SNX17: variants seen among roughly 807,000 people sequenced by gnomAD.
SNX17 encodes sorting nexin 17, also known as sorting nexin-17.
SNX17 carries 35 observed loss-of-function variants against 64.3 expected under a neutral mutation model. That is an observed-to-expected ratio of 0.54 (90% CI 0.42 to 0.72). The LOEUF (loss-of-function observed/expected upper bound fraction) is 0.72. SNX17 is among the 30% of genes least tolerant of loss of function. The pLI is 0.00. For missense variants in SNX17, 538 were observed against 610.0 expected, an observed-to-expected ratio of 0.88 and a Z score of 1.24; for synonymous variants, 259 against 230.2, an observed-to-expected ratio of 1.13 and a Z score of -1.13.
Position 27,375,423 on chromosome 2 carries a change from C to G in SNX17, c.775-83C>G. ...AAAGTGCTGGGATTATAGGCATGAGCCACCGCGCCCGACCGGGGTTGCTTT... is the reference window on the plus strand; with the variant it reads ...AAAGTGCTGGGATTATAGGCATGAGGCACCGCGCCCGACCGGGGTTGCTTT... On this transcript the variant is annotated intron_variant, in intron 9 of 14. Transcript: ENST00000233575. The surrounding 1 kb of genome is among the most constrained non-coding windows in gnomAD (Gnocchi z 4.1). 1.4e-6 allele frequency: 2 copies of G among 1,456,436 alleles called. No individual in the cohort carries two copies. The highest frequency in any genetic ancestry group is 1.9e-6 in the Non-Finnish European group (2 of 1,047,586). 90.2% of individuals were successfully genotyped at this position (1,456,436 alleles called of 1,614,324 possible).
In SNX17 at chr2:27,370,720, C is replaced by T. The variant is rs762210354; in HGVS notation, c.-24C>T. The T allele has an allele frequency of 2.0e-5, 31 of 1,542,116 alleles. No individual in the cohort carries two copies. The South Asian group carries it at 3.6e-4, about 18-fold the overall frequency. ...GCTGCGGCCCTCACAGTCCGGAGCC[C>T]GGCCGTGCCGTGCCGTAGGGAACAT... is the stretch of plus-strand genomic sequence containing the variant. On this transcript the variant is annotated 5_prime_UTR_variant, in exon 1 of 15. Transcript: ENST00000233575.
At chr2:27,371,445 T>G (rs1428936472) in intron 2 of SNX17, 102 bp downstream of exon 2, 1 of 1,473,554 alleles carries the variant, frequency 6.8e-7, no homozygotes, top group Non-Finnish European at 8.9e-7. Context: ...TAGGCTGTAG[T>G]TCCCCTTTAA....
Position 27,376,202 on chromosome 2 carries a change from C to T in SNX17, c.1182+19C>T. Reference sequence around the variant, plus strand: ...CAGGAAGGTAGGCAGCAAGTGTGGACTGAGCAGTGAGCAGGTGTGCTCCCC... The same window carrying T: ...CAGGAAGGTAGGCAGCAAGTGTGGATTGAGCAGTGAGCAGGTGTGCTCCCC... On this transcript the variant is annotated intron_variant, in intron 12 of 14. Transcript: ENST00000233575. 6.2e-7 allele frequency: 1 copy of T among 1,613,960 alleles called. No individual in the cohort carries two copies. Among genetic ancestry groups the T allele is most frequent in the South Asian group, 1.1e-5 (1 of 91,086 alleles).
chr2:27,377,228 A>T lies in SNX17; in HGVS notation c.*509A>T. 1.9e-6 allele frequency: 1 copy of T among 532,060 alleles called. No individual in the cohort carries two copies. Among genetic ancestry groups the T allele is most frequent in the East Asian group, 3.4e-5 (1 of 29,400 alleles). The allele number at this position is 532,060 out of a possible 1,614,324, so 33.0% of individuals were successfully genotyped here. A position where few individuals can be genotyped will look rare whatever the true frequency, so the allele number is the denominator to read the frequency against. ...GCCTGCCATTGCCAATTCAGCATAG[A>T]CATGGCTTTGTTAGTGTTTCCTTTA... On this transcript the variant is annotated 3_prime_UTR_variant, in exon 15 of 15. Coordinates refer to ENST00000233575, the MANE Select transcript of SNX17 (RefSeq NM_014748.4). This position sits in a 1 kb window ranked among gnomAD's most constrained non-coding sequence, Gnocchi z 4.4.
In SNX17 at chr2:27,375,397, TA is replaced by T; in HGVS notation, c.775-106del. The T allele has an allele frequency of 5.1e-6, 6 of 1,173,756 alleles. No individual in the cohort carries two copies. Among genetic ancestry groups the T allele is most frequent in the Non-Finnish European group, 7.4e-6 (6 of 808,562 alleles). 72.7% of individuals were successfully genotyped at this position (1,173,756 alleles called of 1,614,324 possible). Reference sequence around the variant, plus strand: ...TTGTGATCTGTCTGCCTCTGCCTCCTAAAGTGCTGGGATTATAGGCATGAGC... The same window carrying T: ...TTGTGATCTGTCTGCCTCTGCCTCCTAAGTGCTGGGATTATAGGCATGAGC... On this transcript the variant is annotated intron_variant, in intron 9 of 14. Transcript: ENST00000233575. This position sits in a 1 kb window ranked among gnomAD's most constrained non-coding sequence, Gnocchi z 4.1.
rs773177495 is a variant in SNX17 at position 27,375,487 on chromosome 2, T to C, written c.775-19T>C. ...CATTCTCCCTCCTAATCTACCCCCA[T>C]GTGATGACCATTTTTCAGTTCCTGA... On this transcript the variant is annotated intron_variant, in intron 9 of 14. Transcript: ENST00000233575. This position sits in a 1 kb window ranked among gnomAD's most constrained non-coding sequence, Gnocchi z 4.1. The C allele has an allele frequency of 3.2e-5, 52 of 1,613,648 alleles. No homozygotes were observed. Among genetic ancestry groups the C allele is most frequent in the Non-Finnish European group, 3.7e-5 (44 of 1,179,940 alleles).
rs762692378 is a variant in SNX17 at position 27,374,138 on chromosome 2, A to T, written c.486A>T (p.Leu162=). Residue 162 remains leucine (L), a synonymous_variant, in exon 6 of 15, where the codon CTA becomes CTT. Transcript: ENST00000233575. ...LPDDLIGYFS[L]FLVREKEDGA... is the part of the protein sequence containing the mutation. ...ATGACTTGATTGGATACTTTAGTCT[A>T]TTCTTAGTTCGAGAAAAAGAGGATG... 2 of 1,614,130 alleles carry T rather than the reference A, an allele frequency of 1.2e-6. No homozygotes were observed. Among genetic ancestry groups the T allele is most frequent in the South Asian group, 2.2e-5 (2 of 91,076 alleles).
Position 27,375,785 on chromosome 2 carries a change from G to A in SNX17, c.979-61G>A. 2 of 1,610,104 alleles carry A rather than the reference G, an allele frequency of 1.2e-6. No individual in the cohort carries two copies. The highest frequency in any genetic ancestry group is 1.7e-6 in the Non-Finnish European group (2 of 1,177,826). On this transcript the variant is annotated intron_variant, in intron 10 of 14. Transcript: ENST00000233575. The surrounding 1 kb of genome is among the most constrained non-coding windows in gnomAD (Gnocchi z 4.1). ...TTGAGCTTAGGTATGGGCTGCAGCG[G>A]GTCAGGGAGCCAGACAGGTTGGTCA... is the stretch of plus-strand genomic sequence containing the variant.
In SNX17 at chr2:27,370,668, A is replaced by G; in HGVS notation, c.-76A>G. 1.4e-6 allele frequency: 2 copies of G among 1,480,824 alleles called. No homozygotes were observed. Among genetic ancestry groups the G allele is most frequent in the Non-Finnish European group, 1.8e-6 (2 of 1,111,190 alleles). The allele number at this position is 1,480,824 out of a possible 1,614,324, so 91.7% of individuals were successfully genotyped here. A position where few individuals can be genotyped will look rare whatever the true frequency, so the allele number is the denominator to read the frequency against. ...CGAGTGAGGCTGCGGGGACTCGCTG[A>G]GCAGCGGAGGGGGAGCGTGCAGAGC... On this transcript the variant is annotated 5_prime_UTR_variant, in exon 1 of 15. An upstream open reading frame in the 5' UTR loses its in-frame stop. Transcript: ENST00000233575.
rs2148396447 is a variant in SNX17 at position 27,372,941 on chromosome 2, C to T, written c.256+201C>T. The T allele has an allele frequency of 3.1e-6, 4 of 1,309,824 alleles. 1 individual carries two copies. The highest frequency in any genetic ancestry group is 1.9e-4 in the Middle Eastern group (1 of 5,396). 81.1% of individuals were successfully genotyped at this position (1,309,824 alleles called of 1,614,324 possible). ...AGCAAAACAATTTGGGCACTAACAT[C>T]TATGAGAAATACTAGTATAACACTA... is the stretch of plus-strand genomic sequence containing the variant. On this transcript the variant is annotated intron_variant, in intron 3 of 14. Transcript: ENST00000233575.
chr2:27,376,224 C>A, intron 12 of SNX17, 41 bp downstream of exon 12: 1 of 1,612,906 alleles, frequency 6.2e-7, no homozygotes, highest in Non-Finnish European at 8.5e-7. Context: ...CAGGTGTGCT[C>A]CCCTTGCCTT....
intron 3 of SNX17, 174 bp downstream of exon 3, chr2:27,372,914 C>A: frequency 8.0e-7 from 1 of 1,248,224 alleles, no homozygotes; most frequent in Non-Finnish European, 1.1e-6. Flanking sequence ...ACTCTGTGTA[C>A]TAGCAAAACA....
intron 7 of SNX17, 47 bp from the exon 8 acceptor site, chr2:27,374,642 T>C: frequency 6.3e-7 from 1 of 1,581,494 alleles, no homozygotes; most frequent in Non-Finnish European, 8.7e-7. Flanking sequence ...CCTCTTGCCT[T>C]AACCCAGCTT....
Position 27,375,776 on chromosome 2 carries a change from G to A in SNX17, c.978+67G>A. ...CGGCAAGCCTTGAGCTTAGGTATGG[G>A]CTGCAGCGGGTCAGGGAGCCAGACA... On this transcript the variant is annotated intron_variant, in intron 10 of 14. Transcript: ENST00000233575. This position sits in a 1 kb window ranked among gnomAD's most constrained non-coding sequence, Gnocchi z 4.1. 1.2e-6 allele frequency: 2 copies of A among 1,610,362 alleles called. No individual in the cohort carries two copies. Among genetic ancestry groups the A allele is most frequent in the East Asian group, 2.2e-5 (1 of 44,812 alleles).
Position 27,377,465 on chromosome 2 carries a change from G to T in SNX17, c.*746G>T, listed in dbSNP as rs1297168978. 2 of 1,486,710 alleles carry T rather than the reference G, an allele frequency of 1.3e-6. No individual in the cohort carries two copies. Among genetic ancestry groups the T allele is most frequent in the Middle Eastern group, 1.7e-4 (1 of 5,850 alleles). 92.1% of individuals were successfully genotyped at this position (1,486,710 alleles called of 1,614,324 possible). On this transcript the variant is annotated 3_prime_UTR_variant, in exon 15 of 15. Transcript: ENST00000233575. The surrounding 1 kb of genome is among the most constrained non-coding windows in gnomAD (Gnocchi z 4.4). The stretch of plus-strand genomic sequence containing the variant: ...GTCCTTATAGTGCCTACGTTAGTCT[G>T]TGTGGAGCCCCTGGCCAGCGGGGGA...
In SNX17 at chr2:27,377,435, G is replaced by A. The variant is rs1683367240; in HGVS notation, c.*716G>A. 3 of 1,248,308 alleles carry A rather than the reference G, an allele frequency of 2.4e-6. No individual in the cohort carries two copies. The highest frequency in any genetic ancestry group is 1.2e-5 in the South Asian group (1 of 80,454). 77.3% of individuals were successfully genotyped at this position (1,248,308 alleles called of 1,614,324 possible). On this transcript the variant is annotated 3_prime_UTR_variant, in exon 15 of 15. Transcript: ENST00000233575. This position sits in a 1 kb window ranked among gnomAD's most constrained non-coding sequence, Gnocchi z 4.4. ...ATGGGCCCCCCCGCCCATGGGGTTG[G>A]GCTGGTCCTTATAGTGCCTACGTTA...
chr2:27,372,339 G>C (rs1682700819), intron 2 of SNX17, among the ~76,000 whole-genome samples: 1 of 152,212 alleles, frequency 6.6e-6, no homozygotes, highest in Non-Finnish European at 1.5e-5. Flanking sequence ...AGTCTTGCTA[G>C]GTGGTCAAGG....
Position 27,377,383 on chromosome 2 carries a change from C to A in SNX17, c.*664C>A, listed in dbSNP as rs868292796. ...TTCTCACTGAGCTCGTGAAGTGCCT[C>A]AGTCAAGGCAAGGTCCCCTGGTCCA... On this transcript the variant is annotated 3_prime_UTR_variant, in exon 15 of 15. Transcript: ENST00000233575. The surrounding 1 kb of genome is among the most constrained non-coding windows in gnomAD (Gnocchi z 4.4). 19 of 780,290 alleles carry A rather than the reference C, an allele frequency of 2.4e-5. No individual in the cohort carries two copies. The highest frequency in any genetic ancestry group is 3.5e-5 in the Non-Finnish European group (16 of 456,392). 48.3% of individuals were successfully genotyped at this position (780,290 alleles called of 1,614,324 possible).
At chr2:27,374,646 C>G (rs771775312) in intron 7 of SNX17, 43 bp from the exon 8 acceptor site, 16 of 1,590,242 alleles carry the variant, frequency 1.0e-5, no homozygotes, top group Non-Finnish European at 1.4e-5. Context: ...TTGCCTTAAC[C>G]CAGCTTAGCC....
Sources: gnomAD v4.1 joint callset for allele counts (sites outside exome capture counted in the v4.1 genomes callset) on GRCh38, gnomAD v4.1.1 for gene constraint, Gnocchi (gnomAD v3.1) non-coding constraint, MANE v1.5 for transcripts, NCBI Gene and HGNC (gene_info 2026-07-23, HGNC 2026-07-21) for gene names.